CNTN4: variants seen among roughly 807,000 people sequenced by gnomAD.
CNTN4 encodes the protein contactin-4.
In CNTN4, 77 loss-of-function variants were observed where a neutral mutation model predicts 122.5. That is an observed-to-expected ratio of 0.63 (90% CI 0.52 to 0.76). The LOEUF (loss-of-function observed/expected upper bound fraction) is 0.76, where lower values mean the gene tolerates loss of function less well. Ranked by LOEUF, CNTN4 falls within the 30% of genes least tolerant of loss-of-function variation. The pLI, the probability that CNTN4 is intolerant of heterozygous loss-of-function variation, is 0.00. For synonymous variants in CNTN4, 512 were observed against 447.0 expected, an observed-to-expected ratio of 1.15 and a Z score of -1.83; for missense variants, 1,256 against 1,259.1, an observed-to-expected ratio of 1.00 and a Z score of 0.04.
intron 2 of CNTN4, among the ~76,000 whole-genome samples, chr3:2,257,851 C>T (rs2040663640): frequency 6.6e-6 from 1 of 152,032 alleles, no homozygotes. Context: ...ATCACGAGGT[C>T]AGGAGTTGGA....
chr3:2,924,069 G>A (rs1038151394), intron 12 of CNTN4, among the ~76,000 whole-genome samples: 6 of 151,838 alleles, frequency 4.0e-5, no homozygotes, highest in Non-Finnish European at 7.4e-5. Context: ...GATATCAATT[G>A]CCTACTAGAT....
chr3:2,261,721 G>C (rs2040840836), intron 2 of CNTN4, among the ~76,000 whole-genome samples: 1 of 152,116 alleles, frequency 6.6e-6, no homozygotes, highest in African/African-American at 2.4e-5. Flanking sequence ...CCTTTAAGTG[G>C]AGTATTGCCC....
At chr3:2,766,349 C>G (rs2090858596) in intron 6 of CNTN4, among the ~76,000 whole-genome samples, 1 of 152,160 alleles carries the variant, frequency 6.6e-6, no homozygotes, top group South Asian at 2.1e-4. Context: ...GTCCAAATGA[C>G]CATCAGTTAG....
intron 2 of CNTN4, among the ~76,000 whole-genome samples, chr3:2,105,372 A>T (rs13319391): frequency 1.3e-5 from 2 of 152,090 alleles, no homozygotes; most frequent in African/African-American, 4.8e-5. Context: ...ATATTAGTCT[A>T]TTCTCACACT....
In CNTN4 at chr3:2,393,735, T is replaced by C. The variant is rs141808543; in HGVS notation, c.-89+54502T>C. Among the ~76,000 whole-genome samples the C allele has an allele frequency of 3.9e-3, 594 of 152,254 alleles. 1 individual carries two copies. Among genetic ancestry groups the C allele is most frequent in the Middle Eastern group, 0.014 (4 of 294 alleles). On this transcript the variant is annotated intron_variant, in intron 3 of 24. Transcript: ENST00000418658. ...ATTGAAGCTATGAGAAGATAAGTTA[T>C]ATACCTAAAGAGATCAAGGAAAGAT...
intron 13 of CNTN4, among the ~76,000 whole-genome samples, chr3:2,953,734 A>C (rs1054816460): frequency 6.6e-6 from 1 of 152,066 alleles, no homozygotes; most frequent in African/African-American, 2.4e-5. Flanking sequence ...CCAACATATA[A>C]ATTGTCTTCC....
At chr3:2,148,594 C>G (rs751490944) in intron 2 of CNTN4, among the ~76,000 whole-genome samples, 1 of 151,794 alleles carries the variant, frequency 6.6e-6, no homozygotes, top group Non-Finnish European at 1.5e-5. Context: ...TTTCTAACTT[C>G]TGGTTTTAAA....
chr3:2,546,456 G>A (rs1288367348), intron 3 of CNTN4, among the ~76,000 whole-genome samples: 1 of 152,044 alleles, frequency 6.6e-6, no homozygotes, highest in East Asian at 1.9e-4. Flanking sequence ...GTGAACACAT[G>A]GACACAAAGA....
chr3:2,463,402 A>G (rs1477940552), intron 3 of CNTN4, among the ~76,000 whole-genome samples: 1 of 152,214 alleles, frequency 6.6e-6, no homozygotes, highest in African/African-American at 2.4e-5. Context: ...TCTTTAGCAT[A>G]CAGGATAAGG....
intron 13 of CNTN4, among the ~76,000 whole-genome samples, chr3:2,965,187 C>T (rs1355382766): frequency 6.6e-6 from 1 of 152,192 alleles, no homozygotes; most frequent in African/African-American, 2.4e-5. Context: ...TACAAAACTT[C>T]CTCCCACATT....
intron 4 of CNTN4, among the ~76,000 whole-genome samples, chr3:2,683,752 C>T (rs2085286545): frequency 6.6e-6 from 1 of 152,112 alleles, no homozygotes; most frequent in African/African-American, 2.4e-5. Flanking sequence ...CTAAGACTTG[C>T]ATTCTGTTCC....
At chr3:2,680,972 A>T (rs912861751) in intron 4 of CNTN4, among the ~76,000 whole-genome samples, 5 of 152,200 alleles carry the variant, frequency 3.3e-5, no homozygotes, top group Non-Finnish European at 7.3e-5. Flanking sequence ...TTAAACTTGG[A>T]TATGTTATGA....
chr3:2,408,487 C>T (rs2047115378), intron 3 of CNTN4, among the ~76,000 whole-genome samples: 1 of 152,126 alleles, frequency 6.6e-6, no homozygotes, highest in Non-Finnish European at 1.5e-5. Context: ...TGGAAGGATG[C>T]TGAGAGTCAC....
chr3:2,922,125 T>A (rs914379721), intron 12 of CNTN4, among the ~76,000 whole-genome samples: 1 of 152,154 alleles, frequency 6.6e-6, no homozygotes, highest in African/African-American at 2.4e-5. Context: ...GCTCCCAGTA[T>A]CTCAGCTACT....
intron 2 of CNTN4, among the ~76,000 whole-genome samples, chr3:2,278,490 A>C (rs2041600978): frequency 1.3e-5 from 2 of 152,320 alleles, no homozygotes; most frequent in South Asian, 4.1e-4. Flanking sequence ...TACAACAGAG[A>C]AACGACTAAT....
In CNTN4 at chr3:2,653,588, C is replaced by T. The variant is rs1258857993; in HGVS notation, c.55+82030C>T. Among the ~76,000 whole-genome samples, 3 of 152,168 alleles carry T rather than the reference C, an allele frequency of 2.0e-5. No individual in the cohort carries two copies. The East Asian group carries it at 5.8e-4, about 29-fold the overall frequency. ...GATTGGTCTTTTCACTGATGTAGATCTAGTCATTTTAGTCAGAAATACTCT... is the reference window on the plus strand; with the variant it reads ...GATTGGTCTTTTCACTGATGTAGATTTAGTCATTTTAGTCAGAAATACTCT... On this transcript the variant is annotated intron_variant, in intron 4 of 24. Coordinates refer to ENST00000418658, the MANE Select transcript of CNTN4 (RefSeq NM_175607.3).
intron 6 of CNTN4, among the ~76,000 whole-genome samples, chr3:2,752,537 T>G (rs62234586): frequency 0.23 from 34,973 of 151,994 alleles, 4,650 homozygotes; most frequent in African/African-American, 0.36. Context: ...AGCTAATGTT[T>G]CTATTTTTAT....
intron 2 of CNTN4, among the ~76,000 whole-genome samples, chr3:2,330,981 A>C (rs2043694408): frequency 6.6e-6 from 1 of 152,192 alleles, no homozygotes; most frequent in Non-Finnish European, 1.5e-5. Context: ...GTGGAATGTC[A>C]AAAATTGGCA....
chr3:2,554,739 A>G (rs930352896), intron 3 of CNTN4, among the ~76,000 whole-genome samples: 1 of 152,214 alleles, frequency 6.6e-6, no homozygotes. Flanking sequence ...ACAAAAATAG[A>G]TGTTAGACTT....
Sources: allele counts gnomAD v4.1 joint callset (sites outside exome capture counted in the v4.1 genomes callset), GRCh38; gene constraint gnomAD v4.1.1; transcripts MANE v1.5; gene names NCBI Gene and HGNC (gene_info 2026-07-23, HGNC 2026-07-21).